Variants in USP54 observed in about 807,000 individuals in gnomAD.
USP54 encodes the protein ubiquitin specific peptidase 54, also known as ubiquitin carboxyl-terminal hydrolase 54.
Under a neutral mutation model 170.5 loss-of-function variants are expected in USP54, and 87 were observed. The ratio of observed to expected loss-of-function variants is 0.51; its 90% CI spans 0.43 to 0.61. The LOEUF (loss-of-function observed/expected upper bound fraction) is 0.61. Ranked by LOEUF, USP54 falls within the 20% of genes least tolerant of loss-of-function variation. The pLI is 0.00. For synonymous variants in USP54, 655 were observed against 742.8 expected, an observed-to-expected ratio of 0.88 and a Z score of 1.92; for missense variants, 1,786 against 2,047.8, an observed-to-expected ratio of 0.87 and a Z score of 2.47.
chr10:73,560,675 A>T, intron 4 of USP54, among the ~76,000 whole-genome samples: 1 of 149,622 alleles, frequency 6.7e-6, no homozygotes, highest in East Asian at 1.9e-4. Flanking sequence ...AAAAAAAAAA[A>T]AAAAAAAAAA....
intron 4 of USP54, among the ~76,000 whole-genome samples, chr10:73,556,186 AAATCT>A (rs2070943484): frequency 6.6e-6 from 1 of 152,142 alleles, no homozygotes; most frequent in African/African-American, 2.4e-5. Context: ...AATATACTAG[AAATCT>A]AATTTCCTGG....
chr10:73,528,108 G>C (rs1355509630), intron 15 of USP54, among the ~76,000 whole-genome samples: 1 of 151,948 alleles, frequency 6.6e-6, no homozygotes, highest in Non-Finnish European at 1.5e-5. Context: ...GCTAATTTTT[G>C]TGTTTTTAGT....
chr10:73,589,342 C>T (rs1183603703), intron 1 of USP54, among the ~76,000 whole-genome samples: 1 of 152,196 alleles, frequency 6.6e-6, no homozygotes, highest in African/African-American at 2.4e-5. Flanking sequence ...ATTTTATGGT[C>T]AGTAGGACAA....
chr10:73,620,237 T>C lies in USP54; in HGVS notation c.-18+5330A>G, dbSNP rs1006436335. 5.4e-5 allele frequency among the ~76,000 whole-genome samples: 8 copies of C among 148,560 alleles called. 1 individual carries two copies. The highest frequency in any genetic ancestry group is 2.1e-4 in the African/African-American group (8 of 38,656). Reference sequence around the variant, plus strand: ...CTGAGACAGGAGAATTGCTTGAACCTGGGAGGCGGAGGTTGTAGTGAGCCG... The same window carrying C: ...CTGAGACAGGAGAATTGCTTGAACCCGGGAGGCGGAGGTTGTAGTGAGCCG... On this transcript the variant is annotated intron_variant, in intron 1 of 22. Transcript: ENST00000339859.
chr10:73,579,753 T>C (rs917828806), intron 1 of USP54, among the ~76,000 whole-genome samples: 7 of 150,826 alleles, frequency 4.6e-5, no homozygotes, highest in African/African-American at 9.9e-5. Context: ...CAAGACTCCA[T>C]CTCAAAAAAA....
rs1590077282 is a variant in USP54 at position 73,530,742 on chromosome 10, T to C, written c.1409A>G (p.Lys470Arg). The change falls in exon 13 of 24, where the codon AAA becomes AGA. Residue 470 changes from lysine to arginine, a missense_variant. By Grantham distance (26) the Lys-to-Arg change is conservative. This residue lies in a region of USP54 where 1,418 missense variants were observed against 1,569.0 expected (regional missense o/e 0.90). Transcript: ENST00000687698. ...RKRSSGRVRR[K>R]GDEPQASGYH... ...TCCCGAGGCCTGGGGCTCATCGCCTTTCCTCCTAACCCGACCAGAGCTCCT... is the reference window on the plus strand; with the variant it reads ...TCCCGAGGCCTGGGGCTCATCGCCTCTCCTCCTAACCCGACCAGAGCTCCT... 1.2e-6 allele frequency: 2 copies of C among 1,614,186 alleles called. No individual in the cohort carries two copies. Among genetic ancestry groups the C allele is most frequent in the Admixed American group, 1.7e-5 (1 of 60,010 alleles).
chr10:73,615,303 G>A (rs2080528515), intron 1 of USP54: 1 of 149,012 alleles, frequency 6.7e-6, no homozygotes, highest in Non-Finnish European at 1.5e-5. Flanking sequence ...AAGTTGCAGT[G>A]AGCCGAGATC....
intron 20 of USP54, 32 bp from the exon 21 acceptor site, chr10:73,505,458 C>T (rs368070228): frequency 1.3e-6 from 2 of 1,587,006 alleles, no homozygotes; most frequent in Non-Finnish European, 1.7e-6. Flanking sequence ...CAAGTTGAGG[C>T]CATCTCTTCC....
At chr10:73,586,442 C>T (rs2077491937) in intron 1 of USP54, among the ~76,000 whole-genome samples, 1 of 152,198 alleles carries the variant, frequency 6.6e-6, no homozygotes, top group Non-Finnish European at 1.5e-5. Context: ...CACATTCTCC[C>T]TCATGTTACA....
At chr10:73,534,828 G>A in intron 11 of USP54, 58 bp from the exon 12 acceptor site, 1 of 1,528,182 alleles carries the variant, frequency 6.5e-7, no homozygotes, top group Non-Finnish European at 9.0e-7. Context: ...GTAGCAAAGA[G>A]AAGGAAAAGA....
chr10:73,543,252 T>TA, intron 5 of USP54, 121 bp from the exon 6 acceptor site: 1 of 688,114 alleles, frequency 1.5e-6, no homozygotes, highest in Non-Finnish European at 2.4e-6. Flanking sequence ...TTTTGATTTT[T>TA]AAAAATTTTT....
chr10:73,579,474 G>T (rs1218422209), intron 1 of USP54, among the ~76,000 whole-genome samples: 1 of 151,968 alleles, frequency 6.6e-6, no homozygotes, highest in Non-Finnish European at 1.5e-5. Flanking sequence ...TCCAATTTTG[G>T]CCAGGCGCAG....
At chr10:73,528,764 G>A (rs569448774) in intron 15 of USP54, among the ~76,000 whole-genome samples, 18 of 152,208 alleles carry the variant, frequency 1.2e-4, no homozygotes, top group Non-Finnish European at 2.4e-4. Context: ...GATTACAGGC[G>A]TGAGCCAACA....
intron 18 of USP54, 21 bp downstream of exon 18, chr10:73,520,887 A>G (rs1414990310): frequency 6.2e-7 from 1 of 1,613,954 alleles, no homozygotes; most frequent in Non-Finnish European, 8.5e-7. Flanking sequence ...TGCCACAGCC[A>G]TAGCAGTTAG....
chr10:73,566,435 G>C (rs896029919), intron 4 of USP54, among the ~76,000 whole-genome samples: 4 of 151,714 alleles, frequency 2.6e-5, no homozygotes, highest in African/African-American at 7.3e-5. Context: ...TAAAACACCA[G>C]ATAAAACAAG....
chr10:73,560,827 G>A (rs767027020), intron 4 of USP54, among the ~76,000 whole-genome samples: 1 of 151,552 alleles, frequency 6.6e-6, no homozygotes, highest in Non-Finnish European at 1.5e-5. Context: ...CAAGAAGCCC[G>A]GGTACGGTGG....
intron 20 of USP54, among the ~76,000 whole-genome samples, chr10:73,510,129 G>A (rs1222932468): frequency 6.6e-6 from 1 of 152,176 alleles, no homozygotes; most frequent in Non-Finnish European, 1.5e-5. Flanking sequence ...GTGGTCAGGA[G>A]ATGGAGACCA....
Position 73,544,005 on chromosome 10 carries a change from C to T in USP54, c.376-874G>A, listed in dbSNP as rs7920169. ...TCGCCCAGGCAGGAGTACAGTAGAG[C>T]GATCTCGGCTCACTGCAACCTCTAC... is the stretch of plus-strand genomic sequence containing the variant. On this transcript the variant is annotated intron_variant, in intron 5 of 23. Coordinates refer to ENST00000687698, the MANE Select transcript of USP54 (RefSeq NM_001391956.1). Among the ~76,000 whole-genome samples the T allele has an allele frequency of 3.3e-3, 493 of 151,438 alleles. 5 individuals carry two copies. Among genetic ancestry groups the T allele is most frequent in the African/African-American group, 0.011 (456 of 41,284 alleles).
rs1291660146 is a variant in USP54 at position 73,519,537 on chromosome 10, G to A, written c.2678+260C>T. 51 of 498,284 alleles carry A rather than the reference G, an allele frequency of 1.0e-4. No individual in the cohort carries two copies. The Admixed American group carries it at 1.6e-3, about 16-fold the overall frequency. The allele number at this position is 498,284 out of a possible 1,614,324, so 30.9% of individuals were successfully genotyped here. A position where few individuals can be genotyped will look rare whatever the true frequency, so the allele number is the denominator to read the frequency against. Reference sequence around the variant, plus strand: ...ATATAATAATCGCGTTATTACACAAGTCCAGGGCTAAAGTTACCCATGGGA... The same window carrying A: ...ATATAATAATCGCGTTATTACACAAATCCAGGGCTAAAGTTACCCATGGGA... On this transcript the variant is annotated intron_variant, in intron 19 of 23. Transcript: ENST00000687698.
Sources: gnomAD v4.1 joint callset for allele counts (sites outside exome capture counted in the v4.1 genomes callset) on GRCh38, gnomAD v4.1.1 for gene constraint, gnomAD v4.1.1 regional missense constraint, MANE v1.5 for transcripts, NCBI Gene and HGNC (gene_info 2026-07-23, HGNC 2026-07-21) for gene names.